Variants in FGD4 observed in about 807,000 individuals in gnomAD.
FGD4 encodes FYVE, RhoGEF and PH domain-containing protein 4.
FGD4 carries 42 observed loss-of-function variants against 102.0 expected under a neutral mutation model. That is an observed-to-expected ratio of 0.41 (90% CI 0.32 to 0.53). FGD4 has a LOEUF of 0.53. Ranked by LOEUF, FGD4 falls within the 20% of genes least tolerant of loss-of-function variation. The pLI, the probability that FGD4 is intolerant of heterozygous loss-of-function variation, is 0.21. For synonymous variants in FGD4, 380 were observed against 375.7 expected (o/e 1.01, Z -0.13); for missense variants, 902 against 1,078.2 (o/e 0.84, Z 2.29).
chr12:32,465,251 C>T (rs1255008762), intron 1 of FGD4, among the ~76,000 whole-genome samples: 1 of 148,674 alleles, frequency 6.7e-6, no homozygotes, highest in Non-Finnish European at 1.5e-5. Flanking sequence ...TCGATTAATA[C>T]ATATTTTGTA....
intron 1 of FGD4, among the ~76,000 whole-genome samples, chr12:32,416,960 A>G (rs167806): frequency 0.54 from 81,932 of 150,874 alleles, 23,215 homozygotes; most frequent in African/African-American, 0.71. Flanking sequence ...GCAATGGCAC[A>G]ATCTCGGCTC....
At chr12:32,588,897 G>A (rs529516158) in intron 4 of FGD4, among the ~76,000 whole-genome samples, 55 of 152,266 alleles carry the variant, frequency 3.6e-4, no homozygotes, top group African/African-American at 1.2e-3. Context: ...GAAATGGAAA[G>A]CTAAAATCTT....
At chr12:32,588,801 C>G (rs764445365) in intron 4 of FGD4, among the ~76,000 whole-genome samples, 1 of 152,154 alleles carries the variant, frequency 6.6e-6, no homozygotes. Context: ...TTTAACAGAA[C>G]GTTGAGTTGA....
Position 32,643,212 on chromosome 12 carries a change from A to T in FGD4, c.*2679A>T. 6.6e-6 allele frequency: 1 copy of T among 152,626 alleles called. No individual in the cohort carries two copies. Among genetic ancestry groups the T allele is most frequent in the East Asian group, 1.9e-4 (1 of 5,192 alleles). 9.5% of individuals were successfully genotyped at this position (152,626 alleles called of 1,614,324 possible). ...AGTATGAAATATAGTGCAGACTTTT[A>T]TCTTGGTTTTAAGTGGGGCTCAATA... On this transcript the variant is annotated 3_prime_UTR_variant, in exon 17 of 17. Transcript: ENST00000534526.
chr12:32,453,007 G>A (rs959127367), intron 1 of FGD4, among the ~76,000 whole-genome samples: 2 of 151,420 alleles, frequency 1.3e-5, no homozygotes, highest in Admixed American at 6.6e-5. Flanking sequence ...GAATGCACTA[G>A]ATACACAATT....
At chr12:32,418,184 C>G (rs539246537) in intron 1 of FGD4, among the ~76,000 whole-genome samples, 3 of 152,108 alleles carry the variant, frequency 2.0e-5, no homozygotes, top group African/African-American at 7.2e-5. Flanking sequence ...TCTTGATCTC[C>G]TGACCTCGTG....
intron 8 of FGD4, 139 bp downstream of exon 8, chr12:32,608,234 T>C (rs1948912442): frequency 8.2e-7 from 1 of 1,223,244 alleles, no homozygotes; most frequent in Admixed American, 1.8e-5. Context: ...TGGAAATTGT[T>C]ATCATCACTT....
chr12:32,563,226 G>A (rs1944815640), intron 1 of FGD4, among the ~76,000 whole-genome samples: 1 of 142,950 alleles, frequency 7.0e-6, no homozygotes, highest in South Asian at 2.4e-4. Context: ...CGGGCAGAGG[G>A]GCTCCTCACT....
At chr12:32,437,224 G>T (rs142374607) in intron 1 of FGD4, among the ~76,000 whole-genome samples, 1 of 152,166 alleles carries the variant, frequency 6.6e-6, no homozygotes, top group East Asian at 1.9e-4. Flanking sequence ...TTGGCCAGAC[G>T]GCTGATTACA....
At chr12:32,550,004 G>A (rs558006740) in intron 1 of FGD4, among the ~76,000 whole-genome samples, 76 of 152,294 alleles carry the variant, frequency 5.0e-4, no homozygotes, top group African/African-American at 1.8e-3. Context: ...TGCCTGGGCT[G>A]ATGCCTTTGC....
chr12:32,563,587 C>T (rs1944890860), intron 1 of FGD4, among the ~76,000 whole-genome samples: 1 of 151,980 alleles, frequency 6.6e-6, no homozygotes, highest in Non-Finnish European at 1.5e-5. Context: ...CTCCTCACTT[C>T]CCAGACGGGG....
intron 1 of FGD4, among the ~76,000 whole-genome samples, chr12:32,421,202 T>A (rs1031302414): frequency 6.6e-6 from 1 of 152,224 alleles, no homozygotes; most frequent in Non-Finnish European, 1.5e-5. Context: ...ATGCCAGATG[T>A]AACTCTTTCT....
chr12:32,609,796 T>C (rs1754990080), intron 8 of FGD4, among the ~76,000 whole-genome samples: 1 of 152,106 alleles, frequency 6.6e-6, no homozygotes, highest in African/African-American at 2.4e-5. Context: ...AGGGTTGTTG[T>C]GGTAACAGAA....
intron 1 of FGD4, among the ~76,000 whole-genome samples, chr12:32,409,291 C>CTTTTTTTTTT: frequency 7.6e-6 from 1 of 132,016 alleles, no homozygotes; most frequent in Non-Finnish European, 1.6e-5. Flanking sequence ...TCTTTTTTTT[C>CTTTTTTTTTT]TTTTTTTTTT....
At chr12:32,514,555 AGGCTGGAGTGCG>A (rs1939705199) in intron 1 of FGD4, among the ~76,000 whole-genome samples, 1 of 152,044 alleles carries the variant, frequency 6.6e-6, no homozygotes, top group South Asian at 2.1e-4. Context: ...TCTGTCTCCC[AGGCTGGAGTGCG>A]GTGGCGTGAT....
intron 9 of FGD4, 94 bp downstream of exon 9, chr12:32,610,928 A>C: frequency 7.2e-7 from 1 of 1,395,006 alleles, no homozygotes; most frequent in South Asian, 1.2e-5. Context: ...AAGTGAATTG[A>C]AATAGATGAG....
Position 32,555,285 on chromosome 12 carries a change from A to C in FGD4, c.167-8852A>C, listed in dbSNP as rs777837264. Among the ~76,000 whole-genome samples the C allele has an allele frequency of 2.6e-5, 4 of 152,160 alleles. No individual in the cohort carries two copies. In the East Asian group the frequency reaches 7.7e-4, roughly 29 times the overall value. ...CCTGTGCATAAATGGAGTTATTACT[A>C]TTGATTCAGAGAAAACCTTAAGGCA... On this transcript the variant is annotated intron_variant, in intron 1 of 16. Coordinates refer to ENST00000534526, the MANE Select transcript of FGD4 (RefSeq NM_001370298.3).
intron 1 of FGD4, among the ~76,000 whole-genome samples, chr12:32,475,682 A>G (rs1359570560): frequency 4.6e-5 from 7 of 152,222 alleles, no homozygotes; most frequent in African/African-American, 1.2e-4. Flanking sequence ...TCTGATGCAT[A>G]CGAAGTTTTA....
chr12:32,502,420 G>A, intron 1 of FGD4: 1 of 856,788 alleles, frequency 1.2e-6, no homozygotes, highest in Non-Finnish European at 1.4e-6. Flanking sequence ...AGGAAAGTGA[G>A]CTCTAAGCTC....
Sources: gnomAD v4.1 joint callset for allele counts (sites outside exome capture counted in the v4.1 genomes callset) on GRCh38, gnomAD v4.1.1 for gene constraint, MANE v1.5 for transcripts, NCBI Gene and HGNC (gene_info 2026-07-23, HGNC 2026-07-21) for gene names.